The following SEM1 variants were observed in gnomAD, a reference collection of about 807,000 sequenced individuals.
SEM1 encodes the protein SEM1 26S proteasome subunit, also known as 26S proteasome complex subunit SEM1.
In SEM1, 3 loss-of-function variants were observed where a neutral mutation model predicts 12.7. The observed-to-expected ratio is 0.24, with a 90% CI of 0.11 to 0.61. The LOEUF (loss-of-function observed/expected upper bound fraction) is 0.61, where lower values mean the gene tolerates loss of function less well. SEM1 is among the 20% of genes least tolerant of loss of function. The pLI is 0.88. For missense variants in SEM1, 59 were observed against 81.3 expected (o/e 0.73, Z 1.06); for synonymous variants, 30 against 27.8 (o/e 1.08, Z -0.25).
rs1325396123 is a variant in SEM1 at position 96,640,885 on chromosome 7, A to T, written c.171-18242T>A. Reference sequence around the variant, plus strand: ...TTCATTTCAGTTTTGCTGTTAACCTAACACTGCTCTAAAAAATATGGTTTC... The same window carrying T: ...TTCATTTCAGTTTTGCTGTTAACCTTACACTGCTCTAAAAAATATGGTTTC... On this transcript the variant is annotated intron_variant, in intron 2 of 2. Transcript: ENST00000417009. The surrounding 1 kb of genome is among the most constrained non-coding windows in gnomAD (Gnocchi z 4.0). 6.6e-6 allele frequency among the ~76,000 whole-genome samples: 1 copy of T among 151,944 alleles called. No homozygotes were observed. The highest frequency in any genetic ancestry group is 2.4e-5 in the African/African-American group (1 of 41,396).
intron 2 of SEM1, among the ~76,000 whole-genome samples, chr7:96,694,138 A>G (rs1246125257): frequency 6.6e-6 from 1 of 151,978 alleles, no homozygotes; most frequent in Admixed American, 6.6e-5. Flanking sequence ...AGCTTCCAAA[A>G]CAGGCAAATA....
chr7:96,709,571 C>A, intron 1 of SEM1, 117 bp downstream of exon 1: 1 of 924,490 alleles, frequency 1.1e-6, no homozygotes, highest in Admixed American at 2.0e-5. Flanking sequence ...GAGTGCCGGC[C>A]CTGGGAGTCC....
intron 2 of SEM1, among the ~76,000 whole-genome samples, chr7:96,566,956 G>T (rs1216026831): frequency 2.6e-5 from 4 of 151,522 alleles, no homozygotes; most frequent in African/African-American, 7.3e-5. Context: ...GAGGATTTTG[G>T]TATACATCTC....
chr7:96,611,374 GTC>G lies in SEM1; in HGVS notation c.170+83422_170+83423del, dbSNP rs1807534313. Reference sequence around the variant, plus strand: ...TCAAATTTAGGAAGGTAGAGGGAAAGTCTCTCCTCTCCTACATCACCTAGGAA... The same window carrying G: ...TCAAATTTAGGAAGGTAGAGGGAAAGTCTCCTCTCCTACATCACCTAGGAA... On this transcript the variant is annotated intron_variant and NMD_transcript_variant, in intron 2 of 3. Coordinates refer to the SEM1 transcript ENST00000466986. Among the ~76,000 whole-genome samples, 2 of 152,184 alleles carry G rather than the reference GTC, an allele frequency of 1.3e-5. 1 individual carries two copies. The highest frequency in any genetic ancestry group is 4.1e-4 in the South Asian group (2 of 4,832).
At chr7:96,536,329 C>T (rs745971222) in intron 2 of SEM1, among the ~76,000 whole-genome samples, 39 of 151,584 alleles carry the variant, frequency 2.6e-4, no homozygotes, top group Non-Finnish European at 4.7e-4. Context: ...TTCTCTGTGG[C>T]CCAAAATGTG....
At chr7:96,662,627 G>T (rs1401679572) in intron 2 of SEM1, among the ~76,000 whole-genome samples, 1 of 152,150 alleles carries the variant, frequency 6.6e-6, no homozygotes, top group African/African-American at 2.4e-5. Flanking sequence ...CATGGCACAT[G>T]TATATCTACA....
intron 2 of SEM1, among the ~76,000 whole-genome samples, chr7:96,553,989 C>G (rs1023951930): frequency 1.3e-5 from 2 of 151,590 alleles, no homozygotes; most frequent in African/African-American, 4.9e-5. Context: ...TGATTTGGTT[C>G]TCTGTTTGTC....
At chr7:96,656,184 G>A (rs1042064697) in intron 2 of SEM1, among the ~76,000 whole-genome samples, 1 of 152,162 alleles carries the variant, frequency 6.6e-6, no homozygotes, top group Non-Finnish European at 1.5e-5. Context: ...GTTGGTGACA[G>A]CATCTGCTGT....
chr7:96,494,666 A>G (rs1240969331), intron 1 of SEM1, among the ~76,000 whole-genome samples: 1 of 152,150 alleles, frequency 6.6e-6, no homozygotes. Flanking sequence ...AATATGTCAC[A>G]GAAGGTCAGA....
At chr7:96,680,415 CCAA>C (rs1789574230) in intron 2 of SEM1, among the ~76,000 whole-genome samples, 1 of 152,008 alleles carries the variant, frequency 6.6e-6, no homozygotes, top group South Asian at 2.1e-4. Context: ...ATAAACACAA[CCAA>C]CAACAAAAAG....
At chr7:96,612,272 A>G (rs540395203) in intron 2 of SEM1, among the ~76,000 whole-genome samples, 13 of 152,326 alleles carry the variant, frequency 8.5e-5, no homozygotes, top group Non-Finnish European at 1.9e-4. Context: ...GAAATGGTAA[A>G]TTCATCTGTA....
chr7:96,494,590 C>T (rs138304863), intron 1 of SEM1, among the ~76,000 whole-genome samples: 146 of 152,204 alleles, frequency 9.6e-4, no homozygotes, highest in Non-Finnish European at 1.5e-3. Flanking sequence ...ATCTGGCATG[C>T]CCTCCTCTTA....
chr7:96,653,588 T>C (rs1219658510), intron 2 of SEM1: 1 of 151,970 alleles, frequency 6.6e-6, no homozygotes, highest in Non-Finnish European at 1.5e-5. Flanking sequence ...TAGAGAAGAG[T>C]CGTGATAGTT....
At chr7:96,616,400 TG>T (rs1471684765) in intron 2 of SEM1, among the ~76,000 whole-genome samples, 2 of 152,318 alleles carry the variant, frequency 1.3e-5, no homozygotes, top group African/African-American at 2.4e-5. Context: ...TTTCAGTGTT[TG>T]TTTTTTTGAT....
At chr7:96,628,759 A>T in intron 2 of SEM1, among the ~76,000 whole-genome samples, 1 of 152,034 alleles carries the variant, frequency 6.6e-6, no homozygotes, top group Non-Finnish European at 1.5e-5. Context: ...CGATGATTTT[A>T]TATTGCTCAT....
chr7:96,519,481 G>T (rs1335209267), intron 2 of SEM1, among the ~76,000 whole-genome samples: 1 of 151,988 alleles, frequency 6.6e-6, no homozygotes, highest in Non-Finnish European at 1.5e-5. Flanking sequence ...AAGGTAAGTG[G>T]GATTGGAGAT....
intron 2 of SEM1, among the ~76,000 whole-genome samples, chr7:96,515,033 G>A (rs1363687994): frequency 6.6e-6 from 1 of 152,124 alleles, no homozygotes; most frequent in Non-Finnish European, 1.5e-5. Flanking sequence ...TGGTATTGGT[G>A]AAAGAGTATG....
At chr7:96,525,318 G>A (rs1258793400) in intron 2 of SEM1, among the ~76,000 whole-genome samples, 2 of 149,960 alleles carry the variant, frequency 1.3e-5, no homozygotes, top group African/African-American at 4.9e-5. Context: ...CTAAAGAATT[G>A]GAAACTCTGT....
At chr7:96,643,419 A>G (rs1808680087) in intron 2 of SEM1, among the ~76,000 whole-genome samples, 2 of 152,182 alleles carry the variant, frequency 1.3e-5, no homozygotes, top group East Asian at 3.9e-4. Context: ...TTACATAGGT[A>G]TACACATGCC....
Sources: gnomAD v4.1 joint callset for allele counts (sites outside exome capture counted in the v4.1 genomes callset) on GRCh38, gnomAD v4.1.1 for gene constraint, Gnocchi (gnomAD v3.1) non-coding constraint, MANE v1.5 for transcripts, NCBI Gene and HGNC (gene_info 2026-07-23, HGNC 2026-07-21) for gene names.